Variants in NELL1 observed in about 807,000 individuals in gnomAD.
The protein encoded by NELL1 is protein kinase C-binding protein NELL1.
Under a neutral mutation model 107.4 loss-of-function variants are expected in NELL1, and 76 were observed. That is an observed-to-expected ratio of 0.71 (90% CI 0.59 to 0.86). The LOEUF (loss-of-function observed/expected upper bound fraction) is 0.86. Among genes scored for constraint, NELL1 ranks in the 40% least tolerant of loss-of-function variants. The probability of loss-of-function intolerance (pLI) is 0.00; values close to 1 mark genes in which losing one functional copy is unlikely to be tolerated. For synonymous variants in NELL1, 353 were observed against 341.2 expected (o/e 1.03, Z -0.38); for missense variants, 1,024 against 1,005.5 (o/e 1.02, Z -0.25).
intron 14 of NELL1, among the ~76,000 whole-genome samples, chr11:21,326,554 G>A (rs1372047122): frequency 6.6e-6 from 1 of 151,566 alleles, no homozygotes; most frequent in Non-Finnish European, 1.5e-5. Flanking sequence ...TCTACATTTG[G>A]TCACATATTT....
At chr11:21,201,159 T>C (rs1217997649) in intron 13 of NELL1, among the ~76,000 whole-genome samples, 1 of 152,246 alleles carries the variant, frequency 6.6e-6, no homozygotes. Context: ...TTTTTCTAAT[T>C]CTGTGAAGAA....
chr11:21,545,633 A>T (rs7926887), intron 16 of NELL1, among the ~76,000 whole-genome samples: 84,588 of 151,772 alleles, frequency 0.56, 23,883 homozygotes, highest in Non-Finnish European at 0.6. Flanking sequence ...GAAGTTGATA[A>T]GCAAATTGTT....
chr11:21,265,186 C>T (rs945822698), intron 14 of NELL1, among the ~76,000 whole-genome samples: 3 of 152,004 alleles, frequency 2.0e-5, no homozygotes, highest in Non-Finnish European at 4.4e-5. Flanking sequence ...ACTATAAACA[C>T]CTCTATTTCA....
intron 15 of NELL1, among the ~76,000 whole-genome samples, chr11:21,419,703 C>T (rs1182975157): frequency 6.6e-6 from 1 of 152,112 alleles, no homozygotes; most frequent in East Asian, 1.9e-4. Context: ...AAGCCATCAG[C>T]TGTCACTTCG....
chr11:21,276,083 T>G (rs959527751), intron 14 of NELL1, among the ~76,000 whole-genome samples: 4 of 152,150 alleles, frequency 2.6e-5, no homozygotes, highest in Non-Finnish European at 5.9e-5. Context: ...ATAAAGGGTA[T>G]TCAATTAGGA....
In NELL1 at chr11:21,424,270, G is replaced by C. The variant is rs528576823; in HGVS notation, c.1645+53322G>C. ...TAATCAAATTACTAAAATCAGAATT[G>C]GAAGTGGGGACATTACTACCAATTT... On this transcript the variant is annotated intron_variant, in intron 15 of 19. Transcript: ENST00000357134. Among the ~76,000 whole-genome samples the C allele has an allele frequency of 2.6e-5, 4 of 152,244 alleles. No homozygotes were observed. The South Asian group carries it at 6.2e-4, about 24-fold the overall frequency.
At chr11:21,371,749 A>G (rs1036695291) in intron 15 of NELL1, among the ~76,000 whole-genome samples, 5 of 152,174 alleles carry the variant, frequency 3.3e-5, no homozygotes, top group African/African-American at 1.2e-4. Context: ...ACTGCTTTTC[A>G]TATCATAGCA....
At chr11:20,907,520 A>G (rs991122414) in intron 5 of NELL1, among the ~76,000 whole-genome samples, 1 of 152,130 alleles carries the variant, frequency 6.6e-6, no homozygotes, top group Non-Finnish European at 1.5e-5. Context: ...CTCCAATAAT[A>G]TATCACTTCA....
intron 14 of NELL1, among the ~76,000 whole-genome samples, chr11:21,297,560 T>G (rs1849400513): frequency 1.3e-5 from 2 of 152,054 alleles, no homozygotes; most frequent in African/African-American, 4.8e-5. Flanking sequence ...CAGCAAGATC[T>G]GTGTATACTC....
rs1018680801 is a variant in NELL1 at position 21,308,948 on chromosome 11, A to C, written c.1550-61905A>C. ...AGCAAGAAGGCTCTAAAATGCCTTG[A>C]AAAAAAAGCAAAGTTCCTGGGTGGT... On this transcript the variant is annotated intron_variant, in intron 14 of 19. Coordinates refer to ENST00000357134, the MANE Select transcript of NELL1 (RefSeq NM_006157.5). Among the ~76,000 whole-genome samples, 4 of 151,630 alleles carry C rather than the reference A, an allele frequency of 2.6e-5. No homozygotes were observed. The East Asian group carries it at 7.8e-4, about 29-fold the overall frequency.
intron 14 of NELL1, among the ~76,000 whole-genome samples, chr11:21,246,212 G>C (rs1041063461): frequency 3.9e-5 from 6 of 152,154 alleles, no homozygotes; most frequent in African/African-American, 1.2e-4. Context: ...GAAGAAGGCA[G>C]AAGTATTGTC....
intron 1 of NELL1, among the ~76,000 whole-genome samples, chr11:20,676,446 G>A (rs1158680088): frequency 1.3e-5 from 2 of 152,200 alleles, no homozygotes; most frequent in Admixed American, 6.5e-5. Flanking sequence ...ATGAATGAAT[G>A]CAGAGTGAAT....
intron 15 of NELL1, among the ~76,000 whole-genome samples, chr11:21,402,065 A>G (rs948291835): frequency 2.6e-5 from 4 of 151,836 alleles, no homozygotes; most frequent in African/African-American, 9.7e-5. Flanking sequence ...AAATATTTAT[A>G]GCTGGAGTCT....
At chr11:21,061,259 T>C (rs1565039089) in intron 12 of NELL1, among the ~76,000 whole-genome samples, 2 of 152,184 alleles carry the variant, frequency 1.3e-5, no homozygotes, top group Non-Finnish European at 2.9e-5. Context: ...AGTGTATGTG[T>C]GTGTGTAAAA....
At chr11:21,399,252 C>G (rs1852044018) in intron 15 of NELL1, among the ~76,000 whole-genome samples, 1 of 151,384 alleles carries the variant, frequency 6.6e-6, no homozygotes, top group Admixed American at 6.6e-5. Flanking sequence ...AGGGAGGAAG[C>G]AATGAATTGG....
At chr11:21,335,522 G>T (rs948485891) in intron 14 of NELL1, among the ~76,000 whole-genome samples, 2 of 152,000 alleles carry the variant, frequency 1.3e-5, no homozygotes, top group Non-Finnish European at 2.9e-5. Flanking sequence ...CCTTCATCTG[G>T]GTGTGAAATT....
chr11:21,076,969 C>T (rs1240347717), intron 12 of NELL1, among the ~76,000 whole-genome samples: 1 of 152,076 alleles, frequency 6.6e-6, no homozygotes, highest in Non-Finnish European at 1.5e-5. Flanking sequence ...TGCAGAACCA[C>T]GAGCCAAATA....
At chr11:21,194,888 G>A (rs1392916642) in intron 13 of NELL1, among the ~76,000 whole-genome samples, 2 of 152,122 alleles carry the variant, frequency 1.3e-5, no homozygotes, top group African/African-American at 2.4e-5. Context: ...AACCACTGGG[G>A]AGTAAGCAGA....
intron 14 of NELL1, among the ~76,000 whole-genome samples, chr11:21,236,563 A>G (rs1311406967): frequency 6.6e-6 from 1 of 152,158 alleles, no homozygotes; most frequent in Non-Finnish European, 1.5e-5. Flanking sequence ...AATTTATTCT[A>G]TTTTATGTTT....
Sources: allele counts gnomAD v4.1 joint callset (sites outside exome capture counted in the v4.1 genomes callset), GRCh38; gene constraint gnomAD v4.1.1; transcripts MANE v1.5; gene names NCBI Gene and HGNC (gene_info 2026-07-23, HGNC 2026-07-21).